Variants in AKR1B15 observed in about 807,000 individuals in gnomAD.
The protein encoded by AKR1B15 is estradiol 17-beta-dehydrogenase AKR1B15.
A neutral mutation model predicts 38.5 loss-of-function variants in AKR1B15; 49 were observed. The ratio of observed to expected loss-of-function variants is 1.27; its 90% CI spans 1.01 to 1.62. The LOEUF is 1.62. Ranked by LOEUF, AKR1B15 falls within the 40% of genes most tolerant of loss-of-function variation. The probability of loss-of-function intolerance (pLI) is 0.00; values close to 1 mark genes in which losing one functional copy is unlikely to be tolerated. For missense variants in AKR1B15, 411 were observed against 381.6 expected (o/e 1.08, Z -0.64); for synonymous variants, 137 against 135.5 (o/e 1.01, Z -0.08).
intron 3 of AKR1B15, chr7:134,565,361 A>G: frequency 2.7e-6 from 4 of 1,505,688 alleles, no homozygotes; most frequent in Non-Finnish European, 2.7e-6. Flanking sequence ...CACACTGTGA[A>G]GGTCCACGGC....
chr7:134,576,493 C>T, intron 9 of AKR1B15, 63 bp downstream of exon 9: 1 of 1,575,068 alleles, frequency 6.3e-7, no homozygotes, highest in Non-Finnish European at 8.7e-7. Context: ...TGTTTCATTT[C>T]TCGTGTTGTC....
chr7:134,550,297 C>T (rs1007920130), intron 1 of AKR1B15, among the ~76,000 whole-genome samples: 1 of 152,186 alleles, frequency 6.6e-6, no homozygotes, highest in African/African-American at 2.4e-5. Context: ...TCCTCCTCAT[C>T]CCCATCCCTT....
At chr7:134,550,423 G>A (rs561029280) in intron 1 of AKR1B15, among the ~76,000 whole-genome samples, 19 of 152,124 alleles carry the variant, frequency 1.2e-4, no homozygotes, top group South Asian at 1.2e-3. Flanking sequence ...TTTTGCTTTC[G>A]AGTCGTGGAG....
In AKR1B15 at chr7:134,579,497, C is replaced by A; in HGVS notation, c.993-10C>A. On this transcript the variant is annotated splice_polypyrimidine_tract_variant and intron_variant, in intron 11 of 11. Transcript: ENST00000457545. ...ACACAGTTTCTTTTTTTTTTTCTCTCTCTCTGTAGATTCTCTCATTTGGAG... is the reference window on the plus strand; with the variant it reads ...ACACAGTTTCTTTTTTTTTTTCTCTATCTCTGTAGATTCTCTCATTTGGAG... The A allele has an allele frequency of 6.4e-7, 1 of 1,571,906 alleles. No homozygotes were observed. The highest frequency in any genetic ancestry group is 8.6e-7 in the Non-Finnish European group (1 of 1,161,474).
At chr7:134,576,730 C>T (rs1400502641) in intron 9 of AKR1B15, among the ~76,000 whole-genome samples, 1 of 151,616 alleles carries the variant, frequency 6.6e-6, no homozygotes, top group Non-Finnish European at 1.5e-5. Flanking sequence ...GCCTTATGAC[C>T]CCCAAGCTAC....
At chr7:134,579,482 T>TC in intron 11 of AKR1B15, 25 bp from the exon 12 acceptor site, 7 of 1,023,986 alleles carry the variant, frequency 6.8e-6, no homozygotes, top group Non-Finnish European at 9.0e-6. Context: ...ACACAGTTTC[T>TC]TTTTTTTTTT....
Position 134,568,302 on chromosome 7 carries a change from G to A in AKR1B15, c.295G>A (p.Glu99Lys), listed in dbSNP as rs1196790406. The change falls in exon 4 of 12, where the codon GAG (glutamate) becomes AAG (lysine). Residue 99 changes from glutamate (E) to lysine (K), a missense_variant. Glu to Lys is a moderately conservative substitution (Grantham distance 56, BLOSUM62 1). Coordinates refer to ENST00000457545, the MANE Select transcript of AKR1B15 (RefSeq NM_001080538.3). ...EKIQEKAVMR[E>K]DLFIVSKVWP... is the part of the protein sequence containing the mutation. Reference sequence around the variant, plus strand: ...GATCCAAGAGAAGGCTGTGATGCGGGAGGACCTGTTCATCGTCAGCAAGGT... The same window carrying A: ...GATCCAAGAGAAGGCTGTGATGCGGAAGGACCTGTTCATCGTCAGCAAGGT... The A allele has an allele frequency of 5.0e-6, 8 of 1,614,122 alleles. No homozygotes were observed. The Admixed American group carries it at 6.7e-5, about 13-fold the overall frequency.
In AKR1B15 at chr7:134,579,776, C is replaced by G; in HGVS notation, c.*227C>G. On this transcript the variant is annotated 3_prime_UTR_variant, in exon 12 of 12. Transcript: ENST00000457545. ...CTGAATAAGCAAATGACAATTTTTT[C>G]CACTTATCTGATCTGATCAAATGTC... 1 of 489,988 alleles carries G rather than the reference C, an allele frequency of 2.0e-6. No individual in the cohort carries two copies. Among genetic ancestry groups the G allele is most frequent in the Non-Finnish European group, 3.6e-6 (1 of 280,832 alleles). 30.4% of individuals were successfully genotyped at this position (489,988 alleles called of 1,614,324 possible).
intron 1 of AKR1B15, among the ~76,000 whole-genome samples, chr7:134,555,884 T>C (rs1783633968): frequency 6.6e-6 from 1 of 152,182 alleles, no homozygotes; most frequent in African/African-American, 2.4e-5. Context: ...TACCAGTTTT[T>C]CTGCCCTTAC....
intron 2 of AKR1B15, among the ~76,000 whole-genome samples, chr7:134,560,838 C>T (rs569010228): frequency 2.0e-5 from 3 of 152,352 alleles, no homozygotes; most frequent in East Asian, 3.9e-4. Context: ...ACATACTCTG[C>T]AAGGACCTCT....
At chr7:134,551,882 C>T (rs1471032509) in intron 1 of AKR1B15, among the ~76,000 whole-genome samples, 1 of 152,186 alleles carries the variant, frequency 6.6e-6, no homozygotes, top group Non-Finnish European at 1.5e-5. Context: ...TCACCCTGCC[C>T]CGCAGCAGAG....
At chr7:134,579,481 C>CTTTT in intron 11 of AKR1B15, 26 bp from the exon 12 acceptor site, 5 of 1,336,770 alleles carry the variant, frequency 3.7e-6, no homozygotes, top group Non-Finnish European at 4.1e-6. Context: ...AACACAGTTT[C>CTTTT]TTTTTTTTTT....
intron 1 of AKR1B15, among the ~76,000 whole-genome samples, chr7:134,552,263 CT>C (rs1390748279): frequency 6.6e-6 from 1 of 152,144 alleles, no homozygotes; most frequent in Non-Finnish European, 1.5e-5. Context: ...ACAATGCCCC[CT>C]ACTGCTCAGC....
intron 3 of AKR1B15, among the ~76,000 whole-genome samples, chr7:134,566,613 A>T (rs1794541537): frequency 6.6e-6 from 1 of 152,026 alleles, no homozygotes; most frequent in Non-Finnish European, 1.5e-5. Flanking sequence ...CACTACCCTA[A>T]CTAGTGATGA....
At chr7:134,566,879 A>G (rs1794548370) in intron 3 of AKR1B15, among the ~76,000 whole-genome samples, 1 of 152,192 alleles carries the variant, frequency 6.6e-6, no homozygotes, top group African/African-American at 2.4e-5. Context: ...TTTGCCCCAA[A>G]TCAGAGCTTT....
At chr7:134,549,323 T>C (rs998052534) in intron 1 of AKR1B15, 74 bp downstream of exon 1, 6 of 152,354 alleles carry the variant, frequency 3.9e-5, no homozygotes, top group African/African-American at 1.4e-4. Context: ...ACTCTGTCCA[T>C]GCTCCAGGAC....
chr7:134,577,585 A>T, intron 10 of AKR1B15, 119 bp from the exon 11 acceptor site: 1 of 1,167,298 alleles, frequency 8.6e-7, no homozygotes, highest in Non-Finnish European at 1.2e-6. Context: ...AATGGGAAAA[A>T]CTCCTATGGC....
At chr7:134,579,079 C>T (rs969818914) in intron 11 of AKR1B15, among the ~76,000 whole-genome samples, 6 of 152,184 alleles carry the variant, frequency 3.9e-5, no homozygotes, top group Admixed American at 3.9e-4. Flanking sequence ...ATACTAATCG[C>T]AGCTAACATC....
chr7:134,560,780 C>T (rs1027412002), intron 2 of AKR1B15, among the ~76,000 whole-genome samples: 1 of 152,138 alleles, frequency 6.6e-6, no homozygotes, highest in Admixed American at 6.5e-5. Context: ...CCACGAAAGA[C>T]GGCGAACACC....
Sources: gnomAD v4.1 joint callset for allele counts (sites outside exome capture counted in the v4.1 genomes callset) on GRCh38, gnomAD v4.1.1 for gene constraint, MANE v1.5 for transcripts, NCBI Gene and HGNC (gene_info 2026-07-23, HGNC 2026-07-21) for gene names.